The following YEATS4 variants were observed in gnomAD, a reference collection of about 807,000 sequenced individuals.
YEATS4 encodes the protein YEATS domain-containing protein 4.
A neutral mutation model predicts 30.1 loss-of-function variants in YEATS4; 17 were observed. The observed-to-expected ratio is 0.56, with a 90% CI of 0.39 to 0.85. YEATS4 has a LOEUF of 0.85. YEATS4 is among the 40% of genes least tolerant of loss of function. The pLI is 0.00. For missense variants in YEATS4, 142 were observed against 268.3 expected (o/e 0.53, Z 3.29); for synonymous variants, 85 against 87.5 (o/e 0.97, Z 0.16).
the YEATS4 span, among the ~76,000 whole-genome samples, chr12:69,413,751 C>G: frequency 3.3e-5 from 5 of 151,320 alleles, no homozygotes; most frequent in African/African-American, 1.2e-4. Context: ...ACTTGGGAGG[C>G]TGAGGCAGGA....
At chr12:69,386,298 G>T (rs1296442243) in intron 6 of YEATS4, among the ~76,000 whole-genome samples, 1 of 152,178 alleles carries the variant, frequency 6.6e-6, no homozygotes, top group Non-Finnish European at 1.5e-5. Context: ...TACAGTGAAT[G>T]CTGTCCTTCT....
chr12:69,375,415 C>G (rs1256603117), intron 6 of YEATS4, among the ~76,000 whole-genome samples: 1 of 150,414 alleles, frequency 6.6e-6, no homozygotes, highest in Non-Finnish European at 1.5e-5. Flanking sequence ...CCTCACTTCC[C>G]AGACTGGGCG....
In YEATS4 at chr12:69,359,920, C is replaced by A; in HGVS notation, c.-53C>A. The A allele has an allele frequency of 1.2e-6, 2 of 1,606,256 alleles. No individual in the cohort carries two copies. The highest frequency in any genetic ancestry group is 1.1e-5 in the South Asian group (1 of 90,634). The stretch of plus-strand genomic sequence containing the variant: ...GCGGTCTCTGAGGGGAGCGGCGACC[C>A]CGCCAGCCCCGGTCTCTTTCCCTGG... On this transcript the variant is annotated 5_prime_UTR_variant, in exon 1 of 7. Transcript: ENST00000247843.
At chr12:69,399,367 A>G in the YEATS4 span, among the ~76,000 whole-genome samples, 10 of 152,210 alleles carry the variant, frequency 6.6e-5, no homozygotes, top group African/African-American at 2.4e-4. Flanking sequence ...CATTTCTCCA[A>G]AGAAGATATT....
At chr12:69,404,373 T>C in the YEATS4 span, among the ~76,000 whole-genome samples, 1 of 152,234 alleles carries the variant, frequency 6.6e-6, no homozygotes, top group African/African-American at 2.4e-5. Flanking sequence ...GTGACAGTGT[T>C]GGGTGAGACC....
downstream of YEATS4, among the ~76,000 whole-genome samples, chr12:69,392,899 G>A (rs1210244928): frequency 6.6e-6 from 1 of 152,076 alleles, no homozygotes; most frequent in Non-Finnish European, 1.5e-5. Context: ...ACTAATTGTA[G>A]TAACTTAATA....
At chr12:69,414,371 A>G in the YEATS4 span, among the ~76,000 whole-genome samples, 4 of 152,290 alleles carry the variant, frequency 2.6e-5, no homozygotes, top group African/African-American at 9.6e-5. Context: ...CTGGGACTAC[A>G]GGAACATGCT....
intron 6 of YEATS4, among the ~76,000 whole-genome samples, chr12:69,385,558 T>C (rs933121455): frequency 1.3e-5 from 2 of 152,134 alleles, no homozygotes; most frequent in African/African-American, 4.8e-5. Flanking sequence ...AACCGAGGTA[T>C]AAGGAGGTTA....
intron 4 of YEATS4, among the ~76,000 whole-genome samples, chr12:69,369,588 T>C (rs1269295215): frequency 6.6e-6 from 1 of 152,234 alleles, no homozygotes; most frequent in East Asian, 1.9e-4. Flanking sequence ...TCACACCTCT[T>C]AGGCAGTTTT....
intron 6 of YEATS4, among the ~76,000 whole-genome samples, chr12:69,374,081 C>T (rs76139412): frequency 0.023 from 3,468 of 150,382 alleles, 138 homozygotes; most frequent in African/African-American, 0.078. Flanking sequence ...GTTCTTTTTG[C>T]GGAGGATAAC....
At chr12:69,377,242 A>G (rs137924691) in intron 6 of YEATS4, among the ~76,000 whole-genome samples, 2 of 151,364 alleles carry the variant, frequency 1.3e-5, no homozygotes, top group African/African-American at 4.8e-5. Context: ...TGCTTTTCTC[A>G]TTTTTTACAA....
intron 6 of YEATS4, among the ~76,000 whole-genome samples, chr12:69,374,521 A>G (rs1241306145): frequency 3.3e-5 from 5 of 151,960 alleles, no homozygotes; most frequent in Non-Finnish European, 7.4e-5. Context: ...CATGTGAACA[A>G]AGGTCTCTGG....
At chr12:69,416,479 A>T in the YEATS4 span, among the ~76,000 whole-genome samples, 2 of 152,224 alleles carry the variant, frequency 1.3e-5, no homozygotes, top group African/African-American at 4.8e-5. Flanking sequence ...AGTGATGGTT[A>T]TCAGAATGGT....
chr12:69,419,878 A>G, the YEATS4 span, among the ~76,000 whole-genome samples: 1 of 152,226 alleles, frequency 6.6e-6, no homozygotes, highest in African/African-American at 2.4e-5. Context: ...CTGCATCAGC[A>G]AAGGAAGAAA....
At chr12:69,393,639 ATAAAG>A (rs1410223368), downstream of YEATS4, among the ~76,000 whole-genome samples, 1 of 152,138 alleles carries the variant, frequency 6.6e-6, no homozygotes, top group Admixed American at 6.5e-5. Flanking sequence ...CCCAGAAATC[ATAAAG>A]TTTTGGATCT....
intron 6 of YEATS4, among the ~76,000 whole-genome samples, chr12:69,379,717 A>G (rs1232538531): frequency 6.8e-6 from 1 of 146,890 alleles, no homozygotes; most frequent in Non-Finnish European, 1.5e-5. Context: ...CTGGGATCAT[A>G]GGTGTGAGCT....
At chr12:69,424,693 C>G in the YEATS4 span, among the ~76,000 whole-genome samples, 1 of 152,124 alleles carries the variant, frequency 6.6e-6, no homozygotes, top group Non-Finnish European at 1.5e-5. Context: ...GCTCTTTCCC[C>G]TTCGCTCTCC....
chr12:69,424,913 ATTATTTAT>A, the YEATS4 span, among the ~76,000 whole-genome samples: 1 of 151,856 alleles, frequency 6.6e-6, no homozygotes, highest in African/African-American at 2.4e-5. Context: ...GTATATATTT[ATTATTTAT>A]TTATTTATTT....
At position 69,360,026 on chromosome 12, in the gene YEATS4, C is replaced by A. The variant is rs900864552; in HGVS notation, c.51+3C>A. On this transcript the variant is annotated splice_donor_region_variant and intron_variant, in intron 1 of 6. Coordinates refer to ENST00000247843, the MANE Select transcript of YEATS4 (RefSeq NM_006530.4). ...CTGACTCCGGCGGGAGAGTAAAGGT[C>A]AGTGCCCGGACCGCCCCTCTTCCGG... 5 of 1,613,330 alleles carry A rather than the reference C, an allele frequency of 3.1e-6. No individual in the cohort carries two copies. The South Asian group carries it at 5.5e-5, about 18-fold the overall frequency.
Sources: gnomAD v4.1 joint callset for allele counts (sites outside exome capture counted in the v4.1 genomes callset) on GRCh38, gnomAD v4.1.1 for gene constraint, MANE v1.5 for transcripts, NCBI Gene and HGNC (gene_info 2026-07-23, HGNC 2026-07-21) for gene names.